Variants in VPS13A observed in about 807,000 individuals in gnomAD.
VPS13A encodes intermembrane lipid transfer protein VPS13A.
VPS13A carries 264 observed loss-of-function variants against 390.9 expected under a neutral mutation model. That is an observed-to-expected ratio of 0.68 (90% CI 0.61 to 0.75). The LOEUF is 0.75. Among genes scored for constraint, VPS13A ranks in the 30% least tolerant of loss-of-function variants. The pLI, the probability that VPS13A is intolerant of heterozygous loss-of-function variation, is 0.00. For synonymous variants in VPS13A, 1,231 were observed against 1,227.1 expected (o/e 1.00, Z -0.07); for missense variants, 3,409 against 3,733.9 (o/e 0.91, Z 2.27).
At chr9:77,245,935 C>T (rs566626018) in intron 19 of VPS13A, among the ~76,000 whole-genome samples, 4 of 152,220 alleles carry the variant, frequency 2.6e-5, no homozygotes, top group Non-Finnish European at 4.4e-5. Flanking sequence ...GTTGGGGAGC[C>T]CACATGTGCA....
chr9:77,241,346 TC>T (rs1468277199), intron 19 of VPS13A, among the ~76,000 whole-genome samples: 2 of 152,174 alleles, frequency 1.3e-5, no homozygotes, highest in Non-Finnish European at 2.9e-5. Context: ...ATTATATTTT[TC>T]CCTTTAGGAA....
chr9:77,368,234 A>G, intron 62 of VPS13A, 98 bp downstream of exon 62: 1 of 961,162 alleles, frequency 1.0e-6, no homozygotes, highest in Non-Finnish European at 1.6e-6. Context: ...GAGGAACTAA[A>G]TAGCCATTTT....
intron 1 of VPS13A, among the ~76,000 whole-genome samples, chr9:77,189,423 T>C (rs1479577142): frequency 6.6e-6 from 1 of 152,138 alleles, no homozygotes; most frequent in Non-Finnish European, 1.5e-5. Flanking sequence ...GGTGTCTGGC[T>C]TTATTTCTGG....
chr9:77,306,746 TA>T (rs982231504), intron 34 of VPS13A, among the ~76,000 whole-genome samples: 9 of 152,086 alleles, frequency 5.9e-5, no homozygotes, highest in Non-Finnish European at 1.5e-5. Flanking sequence ...TAATTTCATC[TA>T]AAAAATATTT....
chr9:77,307,033 A>G (rs1041826719), intron 34 of VPS13A, among the ~76,000 whole-genome samples: 1 of 151,272 alleles, frequency 6.6e-6, no homozygotes, highest in African/African-American at 2.4e-5. Context: ...CAGCCACCTG[A>G]GTAGCTGGGA....
Position 77,367,938 on chromosome 9 carries a change from T to G in VPS13A, c.8472-117T>G, listed in dbSNP as rs1251483964. 3.2e-6 allele frequency: 3 copies of G among 945,452 alleles called. No homozygotes were observed. In the East Asian group the frequency reaches 7.9e-5, roughly 25 times the overall value. The allele number at this position is 945,452 out of a possible 1,614,324, so 58.6% of individuals were successfully genotyped here. On this transcript the variant is annotated intron_variant, in intron 61 of 71. Coordinates refer to ENST00000360280, the MANE Select transcript of VPS13A (RefSeq NM_033305.3). ...AAATTTCCTGATTGGCATGGGAAAA[T>G]GTACTAGAAGGAAAGGTTTGGAGAA... is the stretch of plus-strand genomic sequence containing the variant.
intron 52 of VPS13A, among the ~76,000 whole-genome samples, chr9:77,346,189 T>A (rs1002252577): frequency 2.6e-5 from 4 of 152,140 alleles, no homozygotes; most frequent in East Asian, 1.9e-4. Flanking sequence ...TATTTTTTTT[T>A]AATTTAAATT....
intron 35 of VPS13A, among the ~76,000 whole-genome samples, chr9:77,312,836 T>C (rs1202259925): frequency 1.3e-5 from 2 of 152,300 alleles, no homozygotes; most frequent in African/African-American, 4.8e-5. Context: ...ATACGACTGA[T>C]AGGAATGTGA....
intron 1 of VPS13A, among the ~76,000 whole-genome samples, chr9:77,178,794 G>A (rs1455787526): frequency 6.6e-6 from 1 of 152,162 alleles, no homozygotes. Context: ...CAAAGTGAGG[G>A]TTAATTTTGT....
At chr9:77,226,627 T>G (rs769877321) in intron 15 of VPS13A, 29 bp downstream of exon 15, 2 of 1,602,870 alleles carry the variant, frequency 1.2e-6, no homozygotes, top group Non-Finnish European at 1.7e-6. Context: ...ACAGCATAGT[T>G]AATCACTGGG....
chr9:77,225,879 TAA>T (rs1564644921), intron 13 of VPS13A, 45 bp from the exon 14 acceptor site: 2 of 1,456,792 alleles, frequency 1.4e-6, no homozygotes, highest in Non-Finnish European at 1.9e-6. Flanking sequence ...GTTAATTATG[TAA>T]AGTTATTTTT....
intron 60 of VPS13A, among the ~76,000 whole-genome samples, chr9:77,366,319 C>T (rs1832427265): frequency 6.6e-6 from 1 of 152,066 alleles, no homozygotes; most frequent in Non-Finnish European, 1.5e-5. Flanking sequence ...ACAGTTTCCA[C>T]TGAAGGTGTA....
chr9:77,286,685 G>A (rs1387014456), intron 31 of VPS13A, among the ~76,000 whole-genome samples: 1 of 152,162 alleles, frequency 6.6e-6, no homozygotes. Flanking sequence ...GAAGCTTTAT[G>A]TAGGGACTTT....
intron 56 of VPS13A, 116 bp downstream of exon 56, chr9:77,357,954 T>C: frequency 3.6e-5 from 13 of 364,960 alleles, no homozygotes; most frequent in Middle Eastern, 1.9e-3. Flanking sequence ...GTGCTAGCCT[T>C]TTTTTTTTTT....
chr9:77,354,963 G>C (rs1831687088), intron 54 of VPS13A, among the ~76,000 whole-genome samples: 1 of 152,124 alleles, frequency 6.6e-6, no homozygotes, highest in Non-Finnish European at 1.5e-5. Flanking sequence ...TGAGGACATT[G>C]TTCCAGCAGT....
At chr9:77,238,438 CT>C (rs773167331) in intron 19 of VPS13A, 52 bp downstream of exon 19, 2 of 1,305,088 alleles carry the variant, frequency 1.5e-6, no homozygotes, top group African/African-American at 2.9e-5. Flanking sequence ...CTATATTAAA[CT>C]TTTATTTATG....
chr9:77,287,238 C>G (rs1303961184), intron 31 of VPS13A, among the ~76,000 whole-genome samples: 1 of 150,678 alleles, frequency 6.6e-6, no homozygotes, highest in African/African-American at 2.4e-5. Flanking sequence ...CTCTCTCTCT[C>G]TCTCTCTCTC....
At chr9:77,287,527 A>T (rs1321836086) in intron 31 of VPS13A, among the ~76,000 whole-genome samples, 4 of 152,220 alleles carry the variant, frequency 2.6e-5, no homozygotes, top group Non-Finnish European at 5.9e-5. Context: ...AGCAAAAGAT[A>T]AAAAGCCCTT....
chr9:77,392,200 T>C (rs979242245), intron 68 of VPS13A, among the ~76,000 whole-genome samples: 3 of 152,186 alleles, frequency 2.0e-5, no homozygotes, highest in African/African-American at 7.2e-5. Flanking sequence ...CTAGGTATTA[T>C]ATGAACTTGA....
Sources: gnomAD v4.1 joint callset for allele counts (sites outside exome capture counted in the v4.1 genomes callset) on GRCh38, gnomAD v4.1.1 for gene constraint, MANE v1.5 for transcripts, NCBI Gene and HGNC (gene_info 2026-07-23, HGNC 2026-07-21) for gene names.